Variants in SLC9A5 observed in about 807,000 individuals in gnomAD.
SLC9A5 encodes solute carrier family 9 member A5.
A neutral mutation model predicts 91.7 loss-of-function variants in SLC9A5; 52 were observed. The observed-to-expected ratio is 0.57, with a 90% confidence interval of 0.45 to 0.71. The LOEUF is 0.71. SLC9A5 is among the 30% of genes least tolerant of loss of function. The pLI is 0.00. For missense variants in SLC9A5, 871 were observed against 1,158.9 expected, an observed-to-expected ratio of 0.75 and a Z score of 3.61; for synonymous variants, 419 against 474.5, an observed-to-expected ratio of 0.88 and a Z score of 1.52.
Position 67,257,282 on chromosome 16 carries a change from G to T in SLC9A5, c.1336-63G>T. 6.8e-7 allele frequency: 1 copy of T among 1,478,216 alleles called. No homozygotes were observed. The highest frequency in any genetic ancestry group is 9.5e-7 in the Non-Finnish European group (1 of 1,057,724). 91.6% of individuals were successfully genotyped at this position (1,478,216 alleles called of 1,614,324 possible). On this transcript the variant is annotated intron_variant, in intron 7 of 15. Coordinates refer to ENST00000299798, the MANE Select transcript of SLC9A5 (RefSeq NM_004594.3). This position sits in a 1 kb window ranked among gnomAD's most constrained non-coding sequence, Gnocchi z 5.1. ...ACTGAAGCTGAAGCCTCATTACGGG[G>T]AGAGAAAGGCAGCAGGGAACTGAAT...
rs1254788682 is a variant in SLC9A5, at chr16:67,258,201, A to T, written c.1497-117A>T. On this transcript the variant is annotated intron_variant, in intron 9 of 15. Coordinates refer to ENST00000299798, the MANE Select transcript of SLC9A5 (RefSeq NM_004594.3). The surrounding 1 kb of genome is among the most constrained non-coding windows in gnomAD (Gnocchi z 4.5). ...CTAGCCTTGAGATTCTCTCTGGCTG[A>T]GGCCCATATCTAAAAAGCCAGGCCA... 3.1e-6 allele frequency: 3 copies of T among 962,066 alleles called. No homozygotes were observed. The highest frequency in any genetic ancestry group is 3.2e-5 in the African/African-American group (2 of 62,378). 59.6% of individuals were successfully genotyped at this position (962,066 alleles called of 1,614,324 possible). A position where few individuals can be genotyped will look rare whatever the true frequency, so the allele number is the denominator to read the frequency against.
Position 67,257,520 on chromosome 16 carries a change from C to T in SLC9A5, c.1426-11C>T, listed in dbSNP as rs778498987. 1 of 1,614,104 alleles carries T rather than the reference C, an allele frequency of 6.2e-7. No individual in the cohort carries two copies. The highest frequency in any genetic ancestry group is 1.3e-5 in the African/African-American group (1 of 75,032). On this transcript the variant is annotated splice_polypyrimidine_tract_variant and intron_variant, in intron 8 of 15. Coordinates refer to ENST00000299798, the MANE Select transcript of SLC9A5 (RefSeq NM_004594.3). This position sits in a 1 kb window ranked among gnomAD's most constrained non-coding sequence, Gnocchi z 5.1. ...GTCCTGATCCAGTCCCCCTACCCAC[C>T]CCCCTTCTAGACTTTTGACCACATT... is the stretch of plus-strand genomic sequence containing the variant.
Position 67,257,295 on chromosome 16 carries a change from C to G in SLC9A5, c.1336-50C>G. ...CCTCATTACGGGGAGAGAAAGGCAGCAGGGAACTGAATAGGAATAGGGCAG... is the reference window on the plus strand; with the variant it reads ...CCTCATTACGGGGAGAGAAAGGCAGGAGGGAACTGAATAGGAATAGGGCAG... On this transcript the variant is annotated intron_variant, in intron 7 of 15. Coordinates refer to ENST00000299798, the MANE Select transcript of SLC9A5 (RefSeq NM_004594.3). This position sits in a 1 kb window ranked among gnomAD's most constrained non-coding sequence, Gnocchi z 5.1. The G allele has an allele frequency of 1.3e-6, 2 of 1,507,634 alleles. No homozygotes were observed. Among genetic ancestry groups the G allele is most frequent in the Middle Eastern group, 1.7e-4 (1 of 5,848 alleles). 93.4% of individuals were successfully genotyped at this position (1,507,634 alleles called of 1,614,324 possible). A position where few individuals can be genotyped will look rare whatever the true frequency, so the allele number is the denominator to read the frequency against.
rs1489145647 is a variant in SLC9A5 at position 67,257,146 on chromosome 16, G to A, written c.1335+33G>A. 1 of 1,583,602 alleles carries A rather than the reference G, an allele frequency of 6.3e-7. No homozygotes were observed. The highest frequency in any genetic ancestry group is 2.2e-5 in the East Asian group (1 of 44,634). ...TGCCCACAAGGCTGGGTAGGGAGAG[G>A]GTTGGGCAGGCCCTGGGGGAGTCTT... is the stretch of plus-strand genomic sequence containing the variant. On this transcript the variant is annotated intron_variant, in intron 7 of 15. Transcript: ENST00000299798. The surrounding 1 kb of genome is among the most constrained non-coding windows in gnomAD (Gnocchi z 5.1).
intron 10 of SLC9A5, among the ~76,000 whole-genome samples, chr16:67,259,361 C>CA (rs764650700): frequency 0.19 from 8,383 of 43,070 alleles, 1,583 homozygotes; most frequent in African/African-American, 0.43. Context: ...GACTCTGTCT[C>CA]AAAAAAAAAA....
chr16:67,264,430 A>G lies in SLC9A5; in HGVS notation c.1921A>G (p.Met641Val). 6.2e-7 allele frequency: 1 copy of G among 1,614,216 alleles called. No homozygotes were observed. Among genetic ancestry groups the G allele is most frequent in the Non-Finnish European group, 8.5e-7 (1 of 1,180,026 alleles). The change falls in exon 13 of 16, where the codon ATG becomes GTG. Residue 641 changes from methionine to valine, a missense_variant. Physicochemically the swap from Met to Val is conservative, Grantham distance 21 (BLOSUM62 1). Transcript: ENST00000299798. Reference sequence around the variant, plus strand: ...GGACAAGGAGGTCTTCCAGCAGAACATGAAGCGGCGGCTGGAGTCCTTTAA... The same window carrying G: ...GGACAAGGAGGTCTTCCAGCAGAACGTGAAGCGGCGGCTGGAGTCCTTTAA... ...RQDKEVFQQNMKRRLESFKST... is the reference protein window; with the variant it reads ...RQDKEVFQQNVKRRLESFKST...
chr16:67,268,708 A>T lies in SLC9A5; in HGVS notation c.2219-2030A>T, dbSNP rs1438920296. 2.2e-3 allele frequency among the ~76,000 whole-genome samples: 204 copies of T among 92,730 alleles called. 7 individuals are homozygous for T. The highest frequency in any genetic ancestry group is 7.9e-3 in the African/African-American group (178 of 22,546). 60.8% of individuals were successfully genotyped at this position (92,730 alleles called of 152,430 possible). A position where few individuals can be genotyped will look rare whatever the true frequency, so the allele number is the denominator to read the frequency against. On this transcript the variant is annotated intron_variant, in intron 15 of 15. Coordinates refer to ENST00000299798, the MANE Select transcript of SLC9A5 (RefSeq NM_004594.3). ...TATATATATATATATATATATATATATATTTTTACAGTAGGCTTGTCCAAT... is the reference window on the plus strand; with the variant it reads ...TATATATATATATATATATATATATTTATTTTTACAGTAGGCTTGTCCAAT...
chr16:67,270,997 G>A lies in SLC9A5; in HGVS notation c.2478G>A (p.Gln826=), dbSNP rs979870309. The change falls in exon 16 of 16, where the codon CAG becomes CAA. Residue 826 remains glutamine, a synonymous_variant. Coordinates refer to ENST00000299798, the MANE Select transcript of SLC9A5 (RefSeq NM_004594.3). The surrounding 1 kb of genome is among the most constrained non-coding windows in gnomAD (Gnocchi z 4.3). ...ATCCACGGGGCACTGAAGAGCCCCAGGTCCCTCTCCACCTACCTTCTGATC... is the reference window on the plus strand; with the variant it reads ...ATCCACGGGGCACTGAAGAGCCCCAAGTCCCTCTCCACCTACCTTCTGATC... ...PPHPRGTEEP[Q]VPLHLPSDPR... 3.7e-6 allele frequency: 6 copies of A among 1,613,994 alleles called. No individual in the cohort carries two copies. Among genetic ancestry groups the A allele is most frequent in the Non-Finnish European group, 4.2e-6 (5 of 1,179,914 alleles).
chr16:67,265,135 A>G (rs540602431), intron 14 of SLC9A5, 29 bp downstream of exon 14: 3 of 1,607,538 alleles, frequency 1.9e-6, no homozygotes, highest in Non-Finnish European at 2.6e-6. Context: ...GGGATTGAGG[A>G]TGGGAGGGAG....
Position 67,258,185 on chromosome 16 carries a change from A to T in SLC9A5, c.1497-133A>T. 1 of 807,828 alleles carries T rather than the reference A, an allele frequency of 1.2e-6. No individual in the cohort carries two copies. The highest frequency in any genetic ancestry group is 2.0e-6 in the Non-Finnish European group (1 of 503,096). 50.0% of individuals were successfully genotyped at this position (807,828 alleles called of 1,614,324 possible). On this transcript the variant is annotated intron_variant, in intron 9 of 15. Transcript: ENST00000299798. This position sits in a 1 kb window ranked among gnomAD's most constrained non-coding sequence, Gnocchi z 4.5. ...TCCATGAGGGCAGGGACTAGCCTTG[A>T]GATTCTCTCTGGCTGAGGCCCATAT...
In SLC9A5 at chr16:67,255,074, T is replaced by C; in HGVS notation, c.544T>C (p.Ser182Pro). ...CTTCCTGCTGTTTGGGAGCCTCATC[T>C]CGGCGGTGGACCCCGTGGCCGTGCT... ...LDFLLFGSLI[S>P]AVDPVAVLAV... Residue 182 changes from serine (S) to proline (P), a missense_variant, in exon 3 of 16, where the codon TCG (serine) becomes CCG (proline). By Grantham distance (74) the Ser-to-Pro change is moderately conservative. Coordinates refer to ENST00000299798, the MANE Select transcript of SLC9A5 (RefSeq NM_004594.3). The surrounding 1 kb of genome is among the most constrained non-coding windows in gnomAD (Gnocchi z 4.9). 6.2e-7 allele frequency: 1 copy of C among 1,614,074 alleles called. No individual in the cohort carries two copies. The highest frequency in any genetic ancestry group is 8.5e-7 in the Non-Finnish European group (1 of 1,179,990).
rs780606422 is a variant in SLC9A5, at chr16:67,271,283, C to A, written c.*73C>A. On this transcript the variant is annotated 3_prime_UTR_variant, in exon 16 of 16. Coordinates refer to ENST00000299798, the MANE Select transcript of SLC9A5 (RefSeq NM_004594.3). ...CTCCCTGGGTGATGGGTAGAGCCCT[C>A]GAAACTTGACATGGGGCCAGAAGGG... The A allele has an allele frequency of 1.4e-5, 19 of 1,327,986 alleles. No individual in the cohort carries two copies. In the South Asian group the frequency reaches 2.3e-4, roughly 16 times the overall value. 82.3% of individuals were successfully genotyped at this position (1,327,986 alleles called of 1,614,324 possible).
intron 14 of SLC9A5, 80 bp from the exon 15 acceptor site, chr16:67,266,006 CAG>C: frequency 6.4e-7 from 1 of 1,562,028 alleles, no homozygotes. Context: ...CCTAGGGAGA[CAG>C]GGAGCTGGCT....
In SLC9A5 at chr16:67,270,570, G is replaced by C. The variant is rs568629045; in HGVS notation, c.2219-168G>C. On this transcript the variant is annotated intron_variant, in intron 15 of 15. Coordinates refer to ENST00000299798, the MANE Select transcript of SLC9A5 (RefSeq NM_004594.3). The surrounding 1 kb of genome is among the most constrained non-coding windows in gnomAD (Gnocchi z 4.3). ...GGCCCTGTGCTAGGTGTTGGGGATA[G>C]AGTGGAGAGTAAAACAAGCTGTGGT... 6.6e-6 allele frequency among the ~76,000 whole-genome samples: 1 copy of C among 152,334 alleles called. No homozygotes were observed. The highest frequency in any genetic ancestry group is 6.5e-5 in the Admixed American group (1 of 15,304).
At chr16:67,268,671 T>C (rs2035807235) in intron 15 of SLC9A5, among the ~76,000 whole-genome samples, 1 of 38,056 alleles carries the variant, frequency 2.6e-5, no homozygotes, top group African/African-American at 1.6e-4. Context: ...TATATATATA[T>C]ATATATATAT....
At chr16:67,259,205 T>G (rs1011472929) in intron 10 of SLC9A5, among the ~76,000 whole-genome samples, 2 of 148,882 alleles carry the variant, frequency 1.3e-5, no homozygotes, top group Admixed American at 1.3e-4. Flanking sequence ...GCAGTGAGGT[T>G]GCAGTGAGCT....
At chr16:67,265,259 G>T in intron 14 of SLC9A5, 153 bp downstream of exon 14, 1 of 674,134 alleles carries the variant, frequency 1.5e-6, no homozygotes, top group South Asian at 1.8e-5. Context: ...AGTTGGAAAT[G>T]TTCAAAGCAG....
intron 2 of SLC9A5, among the ~76,000 whole-genome samples, chr16:67,254,178 T>C (rs1252536009): frequency 6.6e-6 from 1 of 152,182 alleles, no homozygotes; most frequent in Non-Finnish European, 1.5e-5. Context: ...TCATAGAAAT[T>C]ATATGACATA....
intron 12 of SLC9A5, chr16:67,261,929 T>G (rs1467422679): frequency 5.0e-6 from 1 of 198,738 alleles, no homozygotes; most frequent in Non-Finnish European, 1.1e-5. Context: ...TTTGGTGAGG[T>G]GTGTGTGTGT....
Sources: gnomAD v4.1 joint callset for allele counts (sites outside exome capture counted in the v4.1 genomes callset) on GRCh38, gnomAD v4.1.1 for gene constraint, Gnocchi (gnomAD v3.1) non-coding constraint, MANE v1.5 for transcripts, NCBI Gene and HGNC (gene_info 2026-07-23, HGNC 2026-07-21) for gene names.